Variants in RINT1 observed in about 807,000 individuals in gnomAD.
RINT1 encodes the protein RAD50 interactor 1, also known as RAD50-interacting protein 1.
Under a neutral mutation model 97.7 loss-of-function variants are expected in RINT1, and 75 were observed. The observed-to-expected ratio is 0.77, with a 90% CI of 0.64 to 0.93. The LOEUF is 0.93. Ranked by LOEUF, RINT1 falls within the 40% of genes least tolerant of loss-of-function variation. RINT1 has a pLI of 0.00. For synonymous variants in RINT1, 303 were observed against 326.3 expected (o/e 0.93, Z 0.77); for missense variants, 892 against 925.2 (o/e 0.96, Z 0.47).
intron 7 of RINT1, among the ~76,000 whole-genome samples, chr7:105,549,514 A>T (rs1253542961): frequency 1.3e-5 from 2 of 151,660 alleles, no homozygotes; most frequent in Non-Finnish European, 2.9e-5. Context: ...ACGCCCAGCT[A>T]ATTTTTGTAT....
chr7:105,548,578 G>A lies in RINT1; in HGVS notation c.864G>A (p.Lys288=). The stretch of plus-strand genomic sequence containing the variant: ...GAGATGAATTACTTACTGAGCCAAA[G>A]CAACTCCCAGAAAAATACTCTCTTC... The part of the protein sequence containing the change: ...QTSDELLTEP[K]QLPEKYSLPA... Residue 288 remains lysine (K), a synonymous_variant, in exon 7 of 15, where the codon AAG becomes AAA. Transcript: ENST00000257700. The A allele has an allele frequency of 6.2e-7, 1 of 1,614,050 alleles. No individual in the cohort carries two copies. The highest frequency in any genetic ancestry group is 8.5e-7 in the Non-Finnish European group (1 of 1,180,002).
Position 105,547,036 on chromosome 7 carries a change from A to T in RINT1, c.642A>T (p.Arg214Ser). The change falls in exon 5 of 15, where the codon AGA becomes AGT. Residue 214 changes from arginine to serine, a missense_variant. Transcript: ENST00000257700. ...GTACTCATCTTCTTGGTTTCATGAG[A>T]GCCACAGTTAAATTCTGGCATAAAA... ...SSCTHLLGFM[R>S]ATVKFWHKIL... 1 of 1,613,954 alleles carries T rather than the reference A, an allele frequency of 6.2e-7. No individual in the cohort carries two copies. The highest frequency in any genetic ancestry group is 1.6e-4 in the Middle Eastern group (1 of 6,062).
At chr7:105,564,168 A>AC (rs1381921747) in intron 12 of RINT1, among the ~76,000 whole-genome samples, 3 of 151,938 alleles carry the variant, frequency 2.0e-5, no homozygotes, top group Non-Finnish European at 4.4e-5. Context: ...GCTCATTGCA[A>AC]CCTCTGCCTT....
At chr7:105,560,845 T>C (rs2133449557) in intron 11 of RINT1, among the ~76,000 whole-genome samples, 1 of 152,172 alleles carries the variant, frequency 6.6e-6, no homozygotes, top group South Asian at 2.1e-4. Flanking sequence ...CTCAGCTTCC[T>C]GAGTAGCTGG....
At chr7:105,567,065 T>C (rs920783891) in intron 14 of RINT1, 54 bp from the exon 15 acceptor site, 2 of 1,127,472 alleles carry the variant, frequency 1.8e-6, no homozygotes, top group Admixed American at 5.5e-5. Context: ...AATTGTAATA[T>C]AATTGATGCA....
intron 4 of RINT1, 63 bp from the exon 5 acceptor site, chr7:105,546,847 C>A: frequency 1.6e-6 from 2 of 1,274,620 alleles, no homozygotes; most frequent in Non-Finnish European, 2.2e-6. Flanking sequence ...TGCACTCCAA[C>A]CTGGGCAACA....
intron 11 of RINT1, among the ~76,000 whole-genome samples, chr7:105,558,975 A>G (rs1379842502): frequency 6.6e-6 from 1 of 152,148 alleles, no homozygotes; most frequent in African/African-American, 2.4e-5. Flanking sequence ...TGAATTAGCC[A>G]TCATCCCTAC....
intron 8 of RINT1, 40 bp from the exon 9 acceptor site, chr7:105,550,221 A>G: frequency 6.2e-7 from 1 of 1,607,132 alleles, no homozygotes; most frequent in Non-Finnish European, 8.5e-7. Context: ...TGCATGGATA[A>G]CTTTTTATTT....
intron 4 of RINT1, among the ~76,000 whole-genome samples, chr7:105,545,811 CTCTTTT>C (rs1011574774): frequency 5.8e-5 from 8 of 137,156 alleles, no homozygotes; most frequent in African/African-American, 2.2e-4. Flanking sequence ...CACGCCTGGC[CTCTTTT>C]TCTTTGAGAC....
In RINT1 at chr7:105,555,339, C is replaced by T. The variant is rs1401509447; in HGVS notation, c.1671+112C>T. The T allele has an allele frequency of 5.2e-6, 4 of 765,166 alleles. No individual in the cohort carries two copies. In the East Asian group the frequency reaches 1.1e-4, roughly 21 times the overall value. 47.4% of individuals were successfully genotyped at this position (765,166 alleles called of 1,614,324 possible). On this transcript the variant is annotated intron_variant, in intron 11 of 14. Transcript: ENST00000257700. ...GCAAAAATAAACATGCTAGACAGAA[C>T]CATAGTGCCATAATTAAAAGGTGTA...
At chr7:105,532,398 C>T (rs537647068) in intron 1 of RINT1, 41 bp downstream of exon 1, 20 of 1,583,010 alleles carry the variant, frequency 1.3e-5, no homozygotes, top group Admixed American at 5.3e-5. Flanking sequence ...ACATTGGTGG[C>T]CCATTGAGGT....
rs781068777 is a variant in RINT1, at chr7:105,551,545, C to T, written c.1334-25C>T. On this transcript the variant is annotated intron_variant, in intron 9 of 14. Transcript: ENST00000257700. ...GGAACGACTGTAACTACTTAATTGACATAATTGTTTTGTCTGCTTATCAGT... is the reference window on the plus strand; with the variant it reads ...GGAACGACTGTAACTACTTAATTGATATAATTGTTTTGTCTGCTTATCAGT... 9.6e-6 allele frequency: 15 copies of T among 1,556,068 alleles called. No homozygotes were observed. In the African/African-American group the frequency reaches 1.7e-4, roughly 17 times the overall value.
intron 4 of RINT1, among the ~76,000 whole-genome samples, chr7:105,545,192 C>T (rs976900051): frequency 1.3e-4 from 19 of 151,800 alleles, no homozygotes; most frequent in African/African-American, 3.9e-4. Flanking sequence ...TGGCTCATGC[C>T]GTAGTCCTAG....
chr7:105,550,249 G>A lies in RINT1; in HGVS notation c.1108-12G>A, dbSNP rs1790867568. ...TTTTATTTACATACCTCATGTTTGT[G>A]TATTTTTTTAGCTTGAATTTTCTCG... On this transcript the variant is annotated splice_polypyrimidine_tract_variant and intron_variant, in intron 8 of 14. Transcript: ENST00000257700. The A allele has an allele frequency of 2.5e-6, 4 of 1,612,938 alleles. No individual in the cohort carries two copies. Among genetic ancestry groups the A allele is most frequent in the African/African-American group, 1.3e-5 (1 of 74,970 alleles).
intron 10 of RINT1, among the ~76,000 whole-genome samples, chr7:105,554,788 T>C (rs1360044339): frequency 1.3e-5 from 2 of 152,220 alleles, no homozygotes; most frequent in Non-Finnish European, 2.9e-5. Context: ...TTTTGAAAAC[T>C]TGAGGTATAG....
At chr7:105,535,449 C>T (rs982000526) in intron 2 of RINT1, 51 of 381,152 alleles carry the variant, frequency 1.3e-4, no homozygotes, top group South Asian at 2.8e-4. Flanking sequence ...AGGCTGGTCT[C>T]GAACTCCTGA....
At chr7:105,537,883 A>G (rs557215308) in intron 3 of RINT1, among the ~76,000 whole-genome samples, 1 of 152,092 alleles carries the variant, frequency 6.6e-6, no homozygotes, top group Non-Finnish European at 1.5e-5. Context: ...TTCTTTTACA[A>G]TGAACATATC....
At chr7:105,550,548 G>A in intron 9 of RINT1, 62 bp downstream of exon 9, 1 of 1,249,558 alleles carries the variant, frequency 8.0e-7, no homozygotes. Context: ...ATACATTTTT[G>A]ATATTTTTCT....
intron 9 of RINT1, 46 bp from the exon 10 acceptor site, chr7:105,551,524 C>A: frequency 6.8e-7 from 1 of 1,470,710 alleles, no homozygotes; most frequent in Non-Finnish European, 9.1e-7. Context: ...TAATTAGGAA[C>A]GACTGTAACT....
Sources: gnomAD v4.1 joint callset for allele counts (sites outside exome capture counted in the v4.1 genomes callset) on GRCh38, gnomAD v4.1.1 for gene constraint, MANE v1.5 for transcripts, NCBI Gene and HGNC (gene_info 2026-07-23, HGNC 2026-07-21) for gene names.